The following QSOX2 variants were observed in gnomAD, a reference collection of about 807,000 sequenced individuals.
QSOX2 encodes the protein sulfhydryl oxidase 2.
Under a neutral mutation model 61.7 loss-of-function variants are expected in QSOX2, and 46 were observed. That is an observed-to-expected ratio of 0.75 (90% CI 0.59 to 0.95). QSOX2 has a LOEUF of 0.95. Among genes scored for constraint, QSOX2 ranks in the 40% least tolerant of loss-of-function variants. The probability of loss-of-function intolerance (pLI) is 0.00; values close to 1 mark genes in which losing one functional copy is unlikely to be tolerated. For missense variants in QSOX2, 879 were observed against 918.9 expected, an observed-to-expected ratio of 0.96 and a Z score of 0.56; for synonymous variants, 383 against 388.4, an observed-to-expected ratio of 0.99 and a Z score of 0.16.
At chr9:136,215,616 G>A (rs972114678) in intron 9 of QSOX2, among the ~76,000 whole-genome samples, 2 of 152,130 alleles carry the variant, frequency 1.3e-5, no homozygotes, top group African/African-American at 4.8e-5. Flanking sequence ...TTTTAAATTA[G>A]AATTAGTTGT....
chr9:136,228,263 C>G (rs1830300853), intron 1 of QSOX2, among the ~76,000 whole-genome samples: 2 of 152,182 alleles, frequency 1.3e-5, no homozygotes, highest in African/African-American at 4.8e-5. Context: ...CGTGTCATCT[C>G]TCACCGTTTG....
Position 136,219,140 on chromosome 9 carries a change from A to G in QSOX2, c.846T>C (p.Phe282=). Residue 282 remains phenylalanine (F), a synonymous_variant, in exon 7 of 12, where the codon TTT becomes TTC. Coordinates refer to ENST00000358701, the MANE Select transcript of QSOX2 (RefSeq NM_181701.4). ...CCGGCAATGACTTCAAATAAGACGA[A>G]AAGAAGGCCCGCAGAGGCTTCACGC... ...INVVKPLRAF[F]SSYLKSLPDV... 1 of 1,613,958 alleles carries G rather than the reference A, an allele frequency of 6.2e-7. No homozygotes were observed. The highest frequency in any genetic ancestry group is 8.5e-7 in the Non-Finnish European group (1 of 1,179,980).
chr9:136,233,203 T>G (rs1177081619), intron 1 of QSOX2, among the ~76,000 whole-genome samples: 1 of 152,208 alleles, frequency 6.6e-6, no homozygotes, highest in African/African-American at 2.4e-5. Flanking sequence ...GCCAGTCTTC[T>G]GGTTGCACGA....
chr9:136,213,305 A>T (rs1831871068), intron 10 of QSOX2, among the ~76,000 whole-genome samples: 4 of 133,808 alleles, frequency 3.0e-5, no homozygotes, highest in African/African-American at 1.2e-4. Flanking sequence ...GTGCAGTGGC[A>T]TGATCTTGGC....
chr9:136,227,196 C>T (rs12347885), intron 1 of QSOX2, among the ~76,000 whole-genome samples: 2 of 152,098 alleles, frequency 1.3e-5, no homozygotes, highest in Non-Finnish European at 2.9e-5. Flanking sequence ...TGGTAACAGA[C>T]GCGGCTGTCA....
In QSOX2 at chr9:136,208,943, T is replaced by G; in HGVS notation, c.1882A>C (p.Ser628Arg). Reference sequence around the variant, plus strand: ...AGACTCTGGAGTTTCCCGTCCAAGCTGTGATGCAAGCTCTCTGGAAGGGCA... The same window carrying G: ...AGACTCTGGAGTTTCCCGTCCAAGCGGTGATGCAAGCTCTCTGGAAGGGCA... ...RPALPESLHH[S>R]LDGKLQSLDG... Residue 628 changes from serine to arginine, a missense_variant, in exon 12 of 12, where the codon AGC (serine) becomes CGC (arginine). By Grantham distance (110) the Ser-to-Arg change is moderately radical. Transcript: ENST00000358701. 6.2e-7 allele frequency: 1 copy of G among 1,613,646 alleles called. No homozygotes were observed.
At chr9:136,212,298 T>C (rs1273229672) in intron 10 of QSOX2, among the ~76,000 whole-genome samples, 1 of 152,064 alleles carries the variant, frequency 6.6e-6, no homozygotes, top group East Asian at 1.9e-4. Flanking sequence ...AACGCACAGA[T>C]AGGAGACCCA....
chr9:136,223,717 C>T lies in QSOX2; in HGVS notation c.675+46G>A, dbSNP rs760621267. On this transcript the variant is annotated intron_variant, in intron 5 of 11. Transcript: ENST00000358701. This position sits in a 1 kb window ranked among gnomAD's most constrained non-coding sequence, Gnocchi z 4.4. Reference sequence around the variant, plus strand: ...TCTCATCACAGATCCACCGCCAACCCCAATCACACCACGTGTGACACCTGG... The same window carrying T: ...TCTCATCACAGATCCACCGCCAACCTCAATCACACCACGTGTGACACCTGG... 2.7e-6 allele frequency: 4 copies of T among 1,495,352 alleles called. No individual in the cohort carries two copies. Among genetic ancestry groups the T allele is most frequent in the South Asian group, 2.3e-5 (2 of 87,404 alleles). 92.6% of individuals were successfully genotyped at this position (1,495,352 alleles called of 1,614,324 possible). A position where few individuals can be genotyped will look rare whatever the true frequency, so the allele number is the denominator to read the frequency against.
intron 1 of QSOX2, among the ~76,000 whole-genome samples, chr9:136,239,729 G>A (rs1015076560): frequency 2.6e-5 from 4 of 152,194 alleles, no homozygotes; most frequent in Admixed American, 6.5e-5. Flanking sequence ...AGGGGCATGC[G>A]GGCACCCCAC....
At chr9:136,211,006 G>C (rs1831836926) in intron 11 of QSOX2, 1 of 664,964 alleles carries the variant, frequency 1.5e-6, no homozygotes, top group East Asian at 1.4e-4. Context: ...GGAAGAAAGA[G>C]CCACACCCAT....
Position 136,207,359 on chromosome 9 carries a change from T to TA in QSOX2, c.*1368_*1369insT, listed in dbSNP as rs1298343027. 4.9e-5 allele frequency: 5 copies of TA among 102,312 alleles called. No homozygotes were observed. The highest frequency in any genetic ancestry group is 7.6e-5 in the Non-Finnish European group (4 of 52,362). The allele number at this position is 102,312 out of a possible 1,614,324, so 6.3% of individuals were successfully genotyped here. A position where few individuals can be genotyped will look rare whatever the true frequency, so the allele number is the denominator to read the frequency against. On this transcript the variant is annotated 3_prime_UTR_variant, in exon 12 of 12. Coordinates refer to ENST00000358701, the MANE Select transcript of QSOX2 (RefSeq NM_181701.4). ...CTACAACCGTCAAAGTCTCTCTCTC[T>TA]CTCATACACACACACACACACACAC...
intron 1 of QSOX2, among the ~76,000 whole-genome samples, chr9:136,238,809 C>T (rs570126459): frequency 3.0e-4 from 45 of 152,356 alleles, no homozygotes; most frequent in Middle Eastern, 3.4e-3. Flanking sequence ...TGCCTGCTGC[C>T]GGGCCCTCAG....
At chr9:136,214,974 C>T (rs1268039823) in intron 10 of QSOX2, among the ~76,000 whole-genome samples, 180 bp downstream of exon 10, 2 of 152,246 alleles carry the variant, frequency 1.3e-5, no homozygotes, top group African/African-American at 4.8e-5. Flanking sequence ...ACTCGTGCCC[C>T]CGCAGCCACA....
chr9:136,233,392 G>A (rs1393896244), intron 1 of QSOX2, among the ~76,000 whole-genome samples: 1 of 152,158 alleles, frequency 6.6e-6, no homozygotes, highest in Non-Finnish European at 1.5e-5. Context: ...CAAACACAAT[G>A]AGCCTTACTC....
chr9:136,244,133 A>G (rs139848871), intron 1 of QSOX2, among the ~76,000 whole-genome samples: 1 of 152,188 alleles, frequency 6.6e-6, no homozygotes, highest in Non-Finnish European at 1.5e-5. Flanking sequence ...TTTAATGAAC[A>G]TATCTGTTTC....
Position 136,209,274 on chromosome 9 carries a change from G to T in QSOX2, c.1551C>A (p.Gly517=). 6.2e-7 allele frequency: 1 copy of T among 1,609,410 alleles called. No homozygotes were observed. Among genetic ancestry groups the T allele is most frequent in the Non-Finnish European group, 8.5e-7 (1 of 1,176,750 alleles). ...KHNMVNGRLA[G]HLSEDPRFPK... ...GAAACCGGGGATCCTCACTCAGATG[G>T]CCTAGGAAGAAAAGGAAGCGGGAGA... The change falls in exon 12 of 12, where the codon GGC becomes GGA. Residue 517 remains glycine, a splice_region_variant and synonymous_variant. Transcript: ENST00000358701. This position sits in a 1 kb window ranked among gnomAD's most constrained non-coding sequence, Gnocchi z 5.6.
Position 136,224,041 on chromosome 9 carries a change from G to A in QSOX2, c.550C>T (p.Arg184Trp), listed in dbSNP as rs199562922. ...DFLQNHTEGS[R>W]PPACPRLDPI... ...TCTAGGCGCGGGCAGGCAGGGGGCC[G>A]GCTTCCTTCCGTGTGGTTCTGCAGG... Residue 184 changes from arginine (R) to tryptophan (W), a missense_variant, in exon 4 of 12, where the codon CGG becomes TGG. By Grantham distance (101) the Arg-to-Trp change is moderately radical (BLOSUM62 -3). Transcript: ENST00000358701. 1.0e-4 allele frequency: 168 copies of A among 1,613,872 alleles called. No individual in the cohort carries two copies. Among genetic ancestry groups the A allele is most frequent in the Non-Finnish European group, 1.3e-4 (154 of 1,180,002 alleles).
Position 136,223,071 on chromosome 9 carries a change from C to T in QSOX2, c.675+692G>A, listed in dbSNP as rs906450265. Among the ~76,000 whole-genome samples the T allele has an allele frequency of 6.6e-6, 1 of 152,242 alleles. No homozygotes were observed. The highest frequency in any genetic ancestry group is 2.4e-5 in the African/African-American group (1 of 41,460). On this transcript the variant is annotated intron_variant, in intron 5 of 11. Transcript: ENST00000358701. This position sits in a 1 kb window ranked among gnomAD's most constrained non-coding sequence, Gnocchi z 4.4. ...GCCTTCCCAAGTGCGTCTCCAAAAGCCCTCGCAGGGGCAAAGCTGTTTCCT... is the reference window on the plus strand; with the variant it reads ...GCCTTCCCAAGTGCGTCTCCAAAAGTCCTCGCAGGGGCAAAGCTGTTTCCT...
At chr9:136,228,040 T>C (rs996002803) in intron 1 of QSOX2, among the ~76,000 whole-genome samples, 1 of 152,230 alleles carries the variant, frequency 6.6e-6, no homozygotes, top group African/African-American at 2.4e-5. Flanking sequence ...TGGTGGGTCC[T>C]GGCACTTTCC....
Sources: gnomAD v4.1 joint callset for allele counts (sites outside exome capture counted in the v4.1 genomes callset) on GRCh38, gnomAD v4.1.1 for gene constraint, Gnocchi (gnomAD v3.1) non-coding constraint, MANE v1.5 for transcripts, NCBI Gene and HGNC (gene_info 2026-07-23, HGNC 2026-07-21) for gene names.